Variants in ANKLE2 observed in about 807,000 individuals in gnomAD.
ANKLE2 encodes ankyrin repeat and LEM domain containing 2.
Under a neutral mutation model 84.2 loss-of-function variants are expected in ANKLE2, and 55 were observed. That is an observed-to-expected ratio of 0.65 (90% CI 0.53 to 0.82). The LOEUF (loss-of-function observed/expected upper bound fraction) is 0.82. ANKLE2 is among the 40% of genes least tolerant of loss of function. The probability of loss-of-function intolerance (pLI) is 0.00; values close to 1 mark genes in which losing one functional copy is unlikely to be tolerated. For missense variants in ANKLE2, 1,238 were observed against 1,201.9 expected, an observed-to-expected ratio of 1.03 and a Z score of -0.44; for synonymous variants, 551 against 486.1, an observed-to-expected ratio of 1.13 and a Z score of -1.76.
chr12:132,728,868 T>C (rs1020042685), intron 11 of ANKLE2, among the ~76,000 whole-genome samples: 1 of 152,202 alleles, frequency 6.6e-6, no homozygotes, highest in Non-Finnish European at 1.5e-5. Flanking sequence ...TAGATTGAGA[T>C]TGACCCCAAG....
intron 7 of ANKLE2, chr12:132,738,431 T>C (rs2044056943): frequency 6.6e-6 from 1 of 152,214 alleles, no homozygotes; most frequent in African/African-American, 2.4e-5. Context: ...ACCCAGCTCC[T>C]GGAGACCCAG....
At chr12:132,740,907 C>T (rs1308564262) in intron 7 of ANKLE2, among the ~76,000 whole-genome samples, 1 of 117,040 alleles carries the variant, frequency 8.5e-6, no homozygotes, top group Non-Finnish European at 2.1e-5. Context: ...CCTGGGCGTG[C>T]ACCAGGAGTA....
chr12:132,740,078 A>G (rs923081683), intron 7 of ANKLE2, among the ~76,000 whole-genome samples: 3 of 152,252 alleles, frequency 2.0e-5, no homozygotes, highest in African/African-American at 4.8e-5. Flanking sequence ...CATTTCTGAC[A>G]GTGTGGTTTG....
chr12:132,746,649 G>A lies in ANKLE2; in HGVS notation c.1230+1183C>T, dbSNP rs921256965. Among the ~76,000 whole-genome samples, 5 of 151,850 alleles carry A rather than the reference G, an allele frequency of 3.3e-5. No homozygotes were observed. The East Asian group carries it at 9.7e-4, about 29-fold the overall frequency. Reference sequence around the variant, plus strand: ...TAATGCAGTGGACTTTTCAAAAATCGAAATTAGGCAAAGCAGCTTTAGCCT... The same window carrying A: ...TAATGCAGTGGACTTTTCAAAAATCAAAATTAGGCAAAGCAGCTTTAGCCT... On this transcript the variant is annotated intron_variant, in intron 5 of 12. Coordinates refer to ENST00000357997, the MANE Select transcript of ANKLE2 (RefSeq NM_015114.3).
chr12:132,757,159 T>C (rs1448959986), intron 1 of ANKLE2: 1 of 152,182 alleles, frequency 6.6e-6, no homozygotes, highest in African/African-American at 2.4e-5. Flanking sequence ...GTGAACAGGC[T>C]CTAGGCAGTA....
intron 10 of ANKLE2, 64 bp downstream of exon 10, chr12:132,734,321 C>G: frequency 6.5e-7 from 1 of 1,536,394 alleles, no homozygotes; most frequent in Non-Finnish European, 8.9e-7. Flanking sequence ...ATGTGCGCAT[C>G]CCGTCAGACC....
rs376133033 is a variant in ANKLE2, at chr12:132,731,822, A to C, written c.1892-1552T>G. 8 of 152,342 alleles carry C rather than the reference A, an allele frequency of 5.3e-5. No homozygotes were observed. In the East Asian group the frequency reaches 1.5e-3, roughly 29 times the overall value. 9.4% of individuals were successfully genotyped at this position (152,342 alleles called of 1,614,324 possible). ...TATGAATCACTTTTAGATTTTGTAG[A>C]TTAACCTCTTCCATCATGCTCTTTC... On this transcript the variant is annotated intron_variant, in intron 10 of 12. Coordinates refer to ENST00000357997, the MANE Select transcript of ANKLE2 (RefSeq NM_015114.3).
intron 3 of ANKLE2, 61 bp from the exon 4 acceptor site, chr12:132,748,392 T>A: frequency 6.3e-7 from 1 of 1,579,490 alleles, no homozygotes; most frequent in South Asian, 1.1e-5. Context: ...TCATCACCCA[T>A]GCACCCTCTG....
rs773972936 is a variant in ANKLE2 at position 132,748,126 on chromosome 12, G to A, written c.1041+12C>T. ...GACCGCACACCTGCCCGAGGGAACCGCCGAGACCTACCTGCACGATAGTGG... is the reference window on the plus strand; with the variant it reads ...GACCGCACACCTGCCCGAGGGAACCACCGAGACCTACCTGCACGATAGTGG... On this transcript the variant is annotated intron_variant, in intron 4 of 12. Coordinates refer to ENST00000357997, the MANE Select transcript of ANKLE2 (RefSeq NM_015114.3). 8.7e-6 allele frequency: 14 copies of A among 1,610,684 alleles called. No homozygotes were observed. Among genetic ancestry groups the A allele is most frequent in the South Asian group, 1.1e-5 (1 of 90,706 alleles).
At chr12:132,759,809 G>C (rs78742682) in intron 1 of ANKLE2, 15,304 of 152,040 alleles carry the variant, frequency 0.1, 988 homozygotes, top group Non-Finnish European at 0.15. Flanking sequence ...ATTCCTAAAA[G>C]AGCAGGCTGA....
intron 7 of ANKLE2, 102 bp downstream of exon 7, chr12:132,741,317 G>T: frequency 1.7e-6 from 2 of 1,181,426 alleles, no homozygotes; most frequent in Non-Finnish European, 2.5e-6. Flanking sequence ...GCCGGCACAC[G>T]CCCGGGGAGC....
chr12:132,754,291 G>A (rs139614417), intron 2 of ANKLE2, among the ~76,000 whole-genome samples: 23 of 152,244 alleles, frequency 1.5e-4, no homozygotes, highest in African/African-American at 5.3e-4. Context: ...AATCTTTGAT[G>A]CTGAAAAGTA....
Position 132,761,829 on chromosome 12 carries a change from G to C in ANKLE2, c.-31C>G. 6 of 994,646 alleles carry C rather than the reference G, an allele frequency of 6.0e-6. No homozygotes were observed. The highest frequency in any genetic ancestry group is 7.2e-6 in the Non-Finnish European group (6 of 837,864). 61.6% of individuals were successfully genotyped at this position (994,646 alleles called of 1,614,324 possible). On this transcript the variant is annotated 5_prime_UTR_variant, in exon 1 of 13. Coordinates refer to ENST00000357997, the MANE Select transcript of ANKLE2 (RefSeq NM_015114.3). Reference sequence around the variant, plus strand: ...CCGCCCGGGCCGCAGCCGCCGAGAAGCCCGCGCCCCGCGCCGCGCCCGTCC... The same window carrying C: ...CCGCCCGGGCCGCAGCCGCCGAGAACCCCGCGCCCCGCGCCGCGCCCGTCC...
intron 7 of ANKLE2, chr12:132,738,345 G>A (rs1277933440): frequency 3.3e-5 from 5 of 152,226 alleles, no homozygotes; most frequent in Non-Finnish European, 7.3e-5. Context: ...GGACAGCGCA[G>A]TCAAGCCATA....
chr12:132,748,547 G>A (rs2044289426), intron 3 of ANKLE2, among the ~76,000 whole-genome samples: 1 of 152,142 alleles, frequency 6.6e-6, no homozygotes, highest in South Asian at 2.1e-4. Flanking sequence ...AGCAAGTGAG[G>A]GAGAGCAGCC....
Position 132,746,367 on chromosome 12 carries a change from AG to A in ANKLE2, c.1230+1464del, listed in dbSNP as rs1451368701. ...CTGTCTCAAAAAAAAAAAAAAAAAAAGAATCAGGTTAGCCCATCAGAATGTT... is the reference window on the plus strand; with the variant it reads ...CTGTCTCAAAAAAAAAAAAAAAAAAAAATCAGGTTAGCCCATCAGAATGTT... On this transcript the variant is annotated intron_variant, in intron 5 of 12. Coordinates refer to ENST00000357997, the MANE Select transcript of ANKLE2 (RefSeq NM_015114.3). Among the ~76,000 whole-genome samples the A allele has an allele frequency of 4.9e-4, 74 of 151,242 alleles. 2 individuals are homozygous for A. The highest frequency in any genetic ancestry group is 4.6e-4 in the Admixed American group (7 of 15,170).
chr12:132,742,232 C>T (rs2044140607), intron 6 of ANKLE2: 1 of 157,016 alleles, frequency 6.4e-6, no homozygotes, highest in South Asian at 1.8e-4. Context: ...AAAAGAATCA[C>T]ATGTATGCAA....
intron 6 of ANKLE2, 110 bp from the exon 7 acceptor site, chr12:132,741,595 AAT>A (rs1395693829): frequency 7.1e-5 from 73 of 1,023,484 alleles, no homozygotes; most frequent in Non-Finnish European, 1.0e-4. Context: ...ATAGTATCTT[AAT>A]GCTAAAGATT....
Position 132,761,681 on chromosome 12 carries a change from C to T in ANKLE2, c.118G>A (p.Gly40Arg). The change falls in exon 1 of 13, where the codon GGA becomes AGA. Residue 40 changes from glycine (G) to arginine (R), a missense_variant. By Grantham distance (125) the Gly-to-Arg change is moderately radical. Coordinates refer to ENST00000357997, the MANE Select transcript of ANKLE2 (RefSeq NM_015114.3). ...WLVRRLGPRP[G>R]GLGRSGTPVP... Reference sequence around the variant, plus strand: ...GGGGTCCCGCTGCGGCCCAGACCTCCCGGCCGCGGGCCCAGCCGCCGCACC... The same window carrying T: ...GGGGTCCCGCTGCGGCCCAGACCTCTCGGCCGCGGGCCCAGCCGCCGCACC... 1 of 1,344,004 alleles carries T rather than the reference C, an allele frequency of 7.4e-7. No homozygotes were observed. Among genetic ancestry groups the T allele is most frequent in the Non-Finnish European group, 9.6e-7 (1 of 1,041,592 alleles). The allele number at this position is 1,344,004 out of a possible 1,614,324, so 83.3% of individuals were successfully genotyped here.
Sources: allele counts gnomAD v4.1 joint callset (sites outside exome capture counted in the v4.1 genomes callset), GRCh38; gene constraint gnomAD v4.1.1; transcripts MANE v1.5; gene names NCBI Gene and HGNC (gene_info 2026-07-23, HGNC 2026-07-21).